Variants in ABHD8 observed in about 807,000 individuals in gnomAD.
ABHD8 encodes the protein abhydrolase domain containing 8.
In ABHD8, 10 loss-of-function variants were observed where a neutral mutation model predicts 29.3. The ratio of observed to expected loss-of-function variants is 0.34; its 90% CI spans 0.21 to 0.58. The LOEUF (loss-of-function observed/expected upper bound fraction) is 0.58, where lower values mean the gene tolerates loss of function less well. Among genes scored for constraint, ABHD8 ranks in the 20% least tolerant of loss-of-function variants. ABHD8 has a pLI of 0.85. For synonymous variants in ABHD8, 282 were observed against 274.6 expected (o/e 1.03, Z -0.27); for missense variants, 556 against 615.3 (o/e 0.90, Z 1.02).
chr19:17,293,641 A>C (rs1425951288), intron 4 of ABHD8, among the ~76,000 whole-genome samples: 2 of 151,300 alleles, frequency 1.3e-5, no homozygotes, highest in Non-Finnish European at 2.9e-5. Context: ...TGGGGGCAGA[A>C]TCCTCCTTAG....
At chr19:17,293,118 CAG>C (rs942497023) in intron 4 of ABHD8, among the ~76,000 whole-genome samples, 11 of 134,874 alleles carry the variant, frequency 8.2e-5, no homozygotes, top group African/African-American at 3.1e-4. Flanking sequence ...TTTTTTGAGA[CAG>C]AGTCTTGCTC....
intron 2 of ABHD8, among the ~76,000 whole-genome samples, chr19:17,296,029 C>T (rs2145653646): frequency 6.6e-6 from 1 of 152,006 alleles, no homozygotes; most frequent in South Asian, 2.1e-4. Context: ...GGGTTCATGT[C>T]CTCCCCCTAC....
At position 17,292,200 on chromosome 19, in the gene ABHD8, T is replaced by C. The variant is rs201347841; in HGVS notation, c.*461A>G. 2.5e-5 allele frequency: 4 copies of C among 163,016 alleles called. No homozygotes were observed. The highest frequency in any genetic ancestry group is 2.6e-5 in the Non-Finnish European group (2 of 77,566). 10.1% of individuals were successfully genotyped at this position (163,016 alleles called of 1,614,324 possible). On this transcript the variant is annotated 3_prime_UTR_variant, in exon 5 of 5. Coordinates refer to ENST00000247706, the MANE Select transcript of ABHD8 (RefSeq NM_024527.5). ...AGGTTCGGTGGCGCCAGCCCCCCCA[T>C]CCCCCCCCCTTGGGCAAAAATAGCT...
rs2074114758 is a variant in ABHD8 at position 17,300,989 on chromosome 19, G to T, written c.628C>A (p.Leu210Met). The T allele has an allele frequency of 6.2e-7, 1 of 1,613,370 alleles. No individual in the cohort carries two copies. The highest frequency in any genetic ancestry group is 8.5e-7 in the Non-Finnish European group (1 of 1,180,042). ...GCAGAGCTGGCCCCGTGGCCGGCCA[G>T]GTCAGGAGCCACCACCTCATAGCCT... ...RLGYEVVAPD[L>M]AGHGASSAPQ... is the part of the protein sequence containing the mutation. The change falls in exon 2 of 5, where the codon CTG becomes ATG. Residue 210 changes from leucine (L) to methionine (M), a missense_variant. Physicochemically the swap from Leu to Met is conservative, Grantham distance 15. Coordinates refer to ENST00000247706, the MANE Select transcript of ABHD8 (RefSeq NM_024527.5).
chr19:17,292,705 C>T lies in ABHD8; in HGVS notation c.1276G>A (p.Ala426Thr). ...GGCGCCGGCAGTGGCTCCGGTAGAG[C>T]CTTGGGCGAGGGCTCGGGCTCCCAG... ...LLWEPEPSPKALPEPLPAPPE... is the reference protein window; with the variant it reads ...LLWEPEPSPKTLPEPLPAPPE... The change falls in exon 5 of 5, where the codon GCT (alanine) becomes ACT (threonine). Residue 426 changes from alanine to threonine, a missense_variant. Physicochemically the swap from Ala to Thr is moderately conservative, Grantham distance 58. Transcript: ENST00000247706. 3.1e-6 allele frequency: 5 copies of T among 1,613,094 alleles called. No homozygotes were observed. Among genetic ancestry groups the T allele is most frequent in the Non-Finnish European group, 4.2e-6 (5 of 1,179,748 alleles).
chr19:17,294,888 G>C, intron 2 of ABHD8, 43 bp from the exon 3 acceptor site: 1 of 1,598,222 alleles, frequency 6.3e-7, no homozygotes, highest in Non-Finnish European at 8.6e-7. Flanking sequence ...GAAGGGAGGC[G>C]GTCAGCAGGA....
chr19:17,292,842 C>A lies in ABHD8; in HGVS notation c.1150-11G>T. 1.2e-6 allele frequency: 2 copies of A among 1,609,298 alleles called. No individual in the cohort carries two copies. Among genetic ancestry groups the A allele is most frequent in the South Asian group, 1.1e-5 (1 of 90,572 alleles). On this transcript the variant is annotated splice_polypyrimidine_tract_variant and intron_variant, in intron 4 of 4. Coordinates refer to ENST00000247706, the MANE Select transcript of ABHD8 (RefSeq NM_024527.5). ...TGCCAGGAGCAGGATCTGCAGAAGA[C>A]GCAGGGCTCAAGGTAGGCGGGGGCA...
At chr19:17,297,509 T>C (rs1328349844) in intron 2 of ABHD8, among the ~76,000 whole-genome samples, 1 of 152,184 alleles carries the variant, frequency 6.6e-6, no homozygotes, top group African/African-American at 2.4e-5. Flanking sequence ...TTGGCCAGGC[T>C]GGTCTTGAAC....
rs765242155 is a variant in ABHD8 at position 17,301,042 on chromosome 19, T to C, written c.575A>G (p.Lys192Arg). Residue 192 changes from lysine (K) to arginine (R), a missense_variant, in exon 2 of 5, where the codon AAG (lysine) becomes AGG (arginine). By Grantham distance (26) the Lys-to-Arg change is conservative. This residue lies in a region of ABHD8 where 270 missense variants were observed against 353.9 expected (regional missense o/e 0.76). Transcript: ENST00000247706. ...HGVGGSLAIWKEQLDFFVRLG... is the reference protein window; with the variant it reads ...HGVGGSLAIWREQLDFFVRLG... ...GCGCACAAAGAAGTCCAGCTGCTCC[T>C]TCCAGATGGCCAGGGAACCGCCGAC... The C allele has an allele frequency of 1.2e-6, 2 of 1,613,488 alleles. No individual in the cohort carries two copies. The highest frequency in any genetic ancestry group is 3.3e-5 in the Admixed American group (2 of 60,032).
rs141047671 is a variant in ABHD8, at chr19:17,294,159, C to A, written c.1149+129G>T. 1.2e-3 allele frequency: 1,427 copies of A among 1,181,114 alleles called. 12 individuals carry two copies. In the African/African-American group the frequency reaches 0.018, roughly 15 times the overall value. The allele number at this position is 1,181,114 out of a possible 1,614,324, so 73.2% of individuals were successfully genotyped here. ...ACAGCAACTAGAGGCCACGCCCACC[C>A]GGCAGCCACGCCCCCTCGGGAAGAA... On this transcript the variant is annotated intron_variant, in intron 4 of 4. Coordinates refer to ENST00000247706, the MANE Select transcript of ABHD8 (RefSeq NM_024527.5).
chr19:17,301,757 G>C, intron 1 of ABHD8, 133 bp from the exon 2 acceptor site: 1 of 1,072,292 alleles, frequency 9.3e-7, no homozygotes. Flanking sequence ...AGTGAGCCAC[G>C]GCACTGAGAT....
chr19:17,302,502 CT>C (rs1457955096), intron 1 of ABHD8, among the ~76,000 whole-genome samples: 6 of 152,184 alleles, frequency 3.9e-5, no homozygotes, highest in Non-Finnish European at 8.8e-5. Context: ...GCTCCTGGCT[CT>C]GAATTTGACT....
intron 2 of ABHD8, chr19:17,297,760 T>A (rs1286784549): frequency 7.8e-6 from 1 of 128,428 alleles, no homozygotes; most frequent in Non-Finnish European, 1.8e-5. Context: ...TTTTTTTTTT[T>A]ACTTTTTAGT....
chr19:17,298,083 T>A (rs1033126597), intron 2 of ABHD8: 1 of 151,574 alleles, frequency 6.6e-6, no homozygotes, highest in Non-Finnish European at 1.5e-5. Flanking sequence ...CCTGGCTAAT[T>A]TTTTTTTGTA....
chr19:17,296,681 G>A (rs1322536223), intron 2 of ABHD8: 1 of 149,918 alleles, frequency 6.7e-6, no homozygotes, highest in African/African-American at 2.5e-5. Flanking sequence ...TTTGAAAAAT[G>A]TTTCCTAAAT....
rs1220959719 is a variant in ABHD8, at chr19:17,294,522, A to G, written c.933-18T>C. 3 of 1,613,516 alleles carry G rather than the reference A, an allele frequency of 1.9e-6. No individual in the cohort carries two copies. The highest frequency in any genetic ancestry group is 2.5e-6 in the Non-Finnish European group (3 of 1,179,968). Reference sequence around the variant, plus strand: ...AGCCGGCCCTGGTGGTGGTGGAGGCACCGCTAGAGCCCCTTATGCCAGCCC... The same window carrying G: ...AGCCGGCCCTGGTGGTGGTGGAGGCGCCGCTAGAGCCCCTTATGCCAGCCC... On this transcript the variant is annotated intron_variant, in intron 3 of 4. Transcript: ENST00000247706.
intron 2 of ABHD8, among the ~76,000 whole-genome samples, chr19:17,300,352 C>T (rs1313696768): frequency 6.6e-6 from 1 of 151,980 alleles, no homozygotes; most frequent in East Asian, 1.9e-4. Flanking sequence ...TATATGCGTG[C>T]ACCTCCTCAC....
At chr19:17,292,995 G>A in intron 4 of ABHD8, 164 bp from the exon 5 acceptor site, 1 of 754,212 alleles carries the variant, frequency 1.3e-6, no homozygotes, top group South Asian at 2.3e-5. Context: ...CTGGAGGATG[G>A]CCTGTAGCCC....
At chr19:17,293,682 T>A (rs1434824126) in intron 4 of ABHD8, among the ~76,000 whole-genome samples, 1 of 58,954 alleles carries the variant, frequency 1.7e-5, no homozygotes, top group African/African-American at 6.6e-5. Flanking sequence ...TATACTTTAA[T>A]GGTTTTTGTT....
Sources: gnomAD v4.1 joint callset for allele counts (sites outside exome capture counted in the v4.1 genomes callset) on GRCh38, gnomAD v4.1.1 for gene constraint, gnomAD v4.1.1 regional missense constraint, MANE v1.5 for transcripts, NCBI Gene and HGNC (gene_info 2026-07-23, HGNC 2026-07-21) for gene names.